Variants in SLCO1B3 observed in about 807,000 individuals in gnomAD.
SLCO1B3 encodes solute carrier organic anion transporter family member 1B3.
A neutral mutation model predicts 71.8 loss-of-function variants in SLCO1B3; 72 were observed. That is an observed-to-expected ratio of 1.00 (90% CI 0.83 to 1.22). SLCO1B3 has a LOEUF of 1.22. SLCO1B3 is among the 50% of genes most tolerant of loss of function. SLCO1B3 has a pLI of 0.00. For missense variants in SLCO1B3, 911 were observed against 819.7 expected, an observed-to-expected ratio of 1.11 and a Z score of -1.36; for synonymous variants, 298 against 278.4, an observed-to-expected ratio of 1.07 and a Z score of -0.70.
Position 20,862,545 on chromosome 12 carries a change from T to C in SLCO1B3, c.615T>C (p.Ser205=). 1 of 1,609,072 alleles carries C rather than the reference T, an allele frequency of 6.2e-7. No homozygotes were observed. The highest frequency in any genetic ancestry group is 1.3e-5 in the African/African-American group (1 of 74,884). Reference sequence around the variant, plus strand: ...ATGATTTTGCAAAAGAAGGACATTCTTCCTTGTATTTAGGTAACGTACAGA... The same window carrying C: ...ATGATTTTGCAAAAGAAGGACATTCCTCCTTGTATTTAGGTAACGTACAGA... ...YIDDFAKEGH[S]SLYLGSLNAI... is the part of the protein sequence containing the mutation. The change falls in exon 7 of 16, where the codon TCT becomes TCC. Residue 205 remains serine, a synonymous_variant. Coordinates refer to ENST00000381545, the MANE Select transcript of SLCO1B3 (RefSeq NM_019844.4).
intron 3 of SLCO1B3, among the ~76,000 whole-genome samples, chr12:20,822,205 A>G (rs1047057812): frequency 6.6e-6 from 1 of 152,200 alleles, no homozygotes; most frequent in African/African-American, 2.4e-5. Context: ...GTCCATGTGA[A>G]GAGACCACCA....
At chr12:20,815,541 T>C in intron 2 of SLCO1B3, 133 bp from the exon 3 acceptor site, 1 of 466,374 alleles carries the variant, frequency 2.1e-6, no homozygotes, top group Non-Finnish European at 3.8e-6. Flanking sequence ...CCTAGTCCTG[T>C]GGTCAGGAAA....
In SLCO1B3 at chr12:20,815,734, T is replaced by G; in HGVS notation, c.-5T>G. The G allele has an allele frequency of 4.7e-6, 4 of 858,938 alleles. No homozygotes were observed. Among genetic ancestry groups the G allele is most frequent in the Non-Finnish European group, 6.9e-6 (4 of 581,230 alleles). The allele number at this position is 858,938 out of a possible 1,614,324, so 53.2% of individuals were successfully genotyped here. ...AAATATTCACTTGGTATCTGTAGTT[T>G]AATAATGGACCAACATCAACATTTG... is the stretch of plus-strand genomic sequence containing the variant. On this transcript the variant is annotated 5_prime_UTR_variant, in exon 3 of 16. Transcript: ENST00000381545.
intron 15 of SLCO1B3, among the ~76,000 whole-genome samples, chr12:20,904,013 G>C (rs1176709473): frequency 1.3e-5 from 2 of 152,184 alleles, no homozygotes; most frequent in African/African-American, 4.8e-5. Context: ...GCCAAGGTGG[G>C]TGGATCACGA....
chr12:20,820,691 C>T (rs1026213947), intron 3 of SLCO1B3, among the ~76,000 whole-genome samples: 1 of 152,024 alleles, frequency 6.6e-6, no homozygotes, highest in Non-Finnish European at 1.5e-5. Flanking sequence ...ATGTCAGGAG[C>T]AGATTGGGTA....
At chr12:20,819,283 G>A (rs1455046543) in intron 3 of SLCO1B3, among the ~76,000 whole-genome samples, 3 of 152,180 alleles carry the variant, frequency 2.0e-5, no homozygotes, top group Non-Finnish European at 4.4e-5. Flanking sequence ...TCATCAGGGA[G>A]AGCATGTGTG....
chr12:20,915,748 G>C (rs931128539), intron 15 of SLCO1B3, among the ~76,000 whole-genome samples: 2 of 152,062 alleles, frequency 1.3e-5, no homozygotes, highest in Non-Finnish European at 2.9e-5. Context: ...GAGGGGGCTG[G>C]AGTTATGTAT....
intron 1 of SLCO1B3, among the ~76,000 whole-genome samples, chr12:20,813,156 A>G (rs1256944870): frequency 2.0e-5 from 3 of 152,204 alleles, no homozygotes; most frequent in African/African-American, 7.2e-5. Flanking sequence ...ATATCTTCAG[A>G]TATTGATTTT....
At chr12:20,830,544 AC>A (rs1221063301) in intron 3 of SLCO1B3, among the ~76,000 whole-genome samples, 5 of 152,054 alleles carry the variant, frequency 3.3e-5, no homozygotes, top group Non-Finnish European at 7.4e-5. Flanking sequence ...TAGAGTACCT[AC>A]TCCTGGAGAT....
chr12:20,888,286 C>A (rs1369665905), intron 13 of SLCO1B3, among the ~76,000 whole-genome samples: 1 of 151,814 alleles, frequency 6.6e-6, no homozygotes, highest in Admixed American at 6.6e-5. Flanking sequence ...TTGTTTTGGG[C>A]AGGATGGTCA....
At chr12:20,818,597 GTAGCAGATGGAA>G (rs1303424797) in intron 3 of SLCO1B3, among the ~76,000 whole-genome samples, 1 of 151,952 alleles carries the variant, frequency 6.6e-6, no homozygotes, top group Non-Finnish European at 1.5e-5. Context: ...TCCTTGAGGA[GTAGCAGATGGAA>G]TAGCAGATGG....
In SLCO1B3 at chr12:20,855,099, C is replaced by T; in HGVS notation, c.156C>T (p.Ile52=). ...ALGGIIMKIS[I]TQIERRFDIS... ...GTGGAATCATTATGAAAATTTCCAT[C>T]ACTCAAATAGAAAGGAGATTTGACA... The change falls in exon 4 of 16, where the codon ATC becomes ATT. Residue 52 remains isoleucine, a synonymous_variant. Coordinates refer to ENST00000381545, the MANE Select transcript of SLCO1B3 (RefSeq NM_019844.4). 1 of 1,611,448 alleles carries T rather than the reference C, an allele frequency of 6.2e-7. No individual in the cohort carries two copies. Among genetic ancestry groups the T allele is most frequent in the Non-Finnish European group, 8.5e-7 (1 of 1,178,594 alleles).
chr12:20,843,324 G>T (rs1024079056), intron 3 of SLCO1B3, among the ~76,000 whole-genome samples: 10 of 151,938 alleles, frequency 6.6e-5, no homozygotes, highest in African/African-American at 2.2e-4. Context: ...TTCAGTATTT[G>T]ATTCTTGTTT....
At chr12:20,888,039 T>G (rs2121329345) in intron 13 of SLCO1B3, among the ~76,000 whole-genome samples, 1 of 152,194 alleles carries the variant, frequency 6.6e-6, no homozygotes, top group East Asian at 1.9e-4. Flanking sequence ...ATGTTGTAGG[T>G]ATGTGGCTTT....
rs1866500801 is a variant in SLCO1B3 at position 20,916,401 on chromosome 12, A to G, written c.*154A>G. ...GAGTACCCATGGTTAGGATATAGCT[A>G]TGCCTTTATGGTTAAGATTAGAATA... On this transcript the variant is annotated 3_prime_UTR_variant, in exon 16 of 16. Transcript: ENST00000381545. The G allele has an allele frequency of 8.0e-6, 5 of 627,578 alleles. No individual in the cohort carries two copies. The highest frequency in any genetic ancestry group is 5.6e-5 in the East Asian group (2 of 35,536). The allele number at this position is 627,578 out of a possible 1,614,324, so 38.9% of individuals were successfully genotyped here.
chr12:20,827,719 A>C (rs942083133), intron 3 of SLCO1B3, among the ~76,000 whole-genome samples: 15 of 152,038 alleles, frequency 9.9e-5, no homozygotes, highest in Admixed American at 3.9e-4. Context: ...CTGCAGGCAC[A>C]TGCCACCATG....
At chr12:20,891,656 C>T (rs539992115) in intron 13 of SLCO1B3, among the ~76,000 whole-genome samples, 1 of 152,160 alleles carries the variant, frequency 6.6e-6, no homozygotes, top group South Asian at 2.1e-4. Flanking sequence ...TCTGGAATAC[C>T]AATGATTCAT....
At chr12:20,896,191 C>T (rs1300041331) in intron 13 of SLCO1B3, among the ~76,000 whole-genome samples, 1 of 135,982 alleles carries the variant, frequency 7.4e-6, no homozygotes, top group African/African-American at 2.6e-5. Flanking sequence ...TCCCCATTGT[C>T]TTGGGAATTA....
intron 4 of SLCO1B3, among the ~76,000 whole-genome samples, chr12:20,856,226 A>C (rs1014012731): frequency 6.6e-6 from 1 of 152,168 alleles, no homozygotes; most frequent in African/African-American, 2.4e-5. Context: ...TTTAACAGCA[A>C]TTATTTGAAC....
Sources: allele counts gnomAD v4.1 joint callset (sites outside exome capture counted in the v4.1 genomes callset), GRCh38; gene constraint gnomAD v4.1.1; transcripts MANE v1.5; gene names NCBI Gene and HGNC (gene_info 2026-07-23, HGNC 2026-07-21).